HERC2: variants seen among roughly 807,000 people sequenced by gnomAD.
HERC2 encodes E3 ubiquitin-protein ligase HERC2.
Under a neutral mutation model 537.7 loss-of-function variants are expected in HERC2, and 102 were observed. The observed-to-expected ratio is 0.19, with a 90% CI of 0.16 to 0.22. The LOEUF (loss-of-function observed/expected upper bound fraction) is 0.22, where lower values mean the gene tolerates loss of function less well. HERC2 is among the 10% of genes least tolerant of loss of function. The pLI, the probability that HERC2 is intolerant of heterozygous loss-of-function variation, is 1.00. For missense variants in HERC2, 4,236 were observed against 6,198.2 expected (o/e 0.68, Z 10.63); for synonymous variants, 2,224 against 2,466.2 (o/e 0.90, Z 2.91).
In HERC2 at chr15:28,176,385, C is replaced by G. The variant is rs1290164490; in HGVS notation, c.9686+43G>C. On this transcript the variant is annotated intron_variant, in intron 63 of 92. Coordinates refer to ENST00000261609, the MANE Select transcript of HERC2 (RefSeq NM_004667.6). The surrounding 1 kb of genome is among the most constrained non-coding windows in gnomAD (Gnocchi z 5.0). ...CGAGGCCCAGGTTCCCTGCACACAC[C>G]TGCACAAGCACACACAGTGTGACAG... 1 of 1,603,720 alleles carries G rather than the reference C, an allele frequency of 6.2e-7. No individual in the cohort carries two copies. The highest frequency in any genetic ancestry group is 8.5e-7 in the Non-Finnish European group (1 of 1,172,040).
Position 28,201,438 on chromosome 15 carries a change from C to G in HERC2, c.7716+18G>C. On this transcript the variant is annotated intron_variant, in intron 48 of 92. Coordinates refer to ENST00000261609, the MANE Select transcript of HERC2 (RefSeq NM_004667.6). ...AATGAAAAACGGATCGAGGCTCCAG[C>G]TTAAGACAATTACTCACCTGAATAT... 1 of 1,471,090 alleles carries G rather than the reference C, an allele frequency of 6.8e-7. No homozygotes were observed. Among genetic ancestry groups the G allele is most frequent in the Non-Finnish European group, 9.5e-7 (1 of 1,050,174 alleles). The allele number at this position is 1,471,090 out of a possible 1,614,324, so 91.1% of individuals were successfully genotyped here.
chr15:28,167,806 C>T lies in HERC2; in HGVS notation c.10435G>A (p.Val3479Met). 1.2e-6 allele frequency: 2 copies of T among 1,613,654 alleles called. No individual in the cohort carries two copies. The highest frequency in any genetic ancestry group is 1.7e-6 in the Non-Finnish European group (2 of 1,179,902). ...KREIVSSEDA[V>M]TPSAVTPSAP... ...GACGGAGTCACTGCAGAGGGGGTCA[C>T]TGCGTCCTCAGAGGAAACAATCTAG... is the stretch of plus-strand genomic sequence containing the variant. The change falls in exon 68 of 93, where the codon GTG becomes ATG. Residue 3479 changes from valine (V) to methionine (M), a missense_variant. Around this residue, in one of 27 missense-constraint regions of HERC2, gnomAD observed 356 missense variants for 450.9 expected, o/e 0.79. Transcript: ENST00000261609.
intron 43 of HERC2, among the ~76,000 whole-genome samples, chr15:28,211,635 G>A (rs1208083387): frequency 6.6e-6 from 1 of 151,940 alleles, no homozygotes; most frequent in Non-Finnish European, 1.5e-5. Context: ...CGCAGGTGCC[G>A]CTCGGACACT....
chr15:28,191,411 C>T (rs1373591673), intron 53 of HERC2, among the ~76,000 whole-genome samples, 167 bp from the exon 54 acceptor site: 1 of 152,118 alleles, frequency 6.6e-6, no homozygotes, highest in African/African-American at 2.4e-5. Flanking sequence ...ATATTCTACG[C>T]CATTCTTTGA....
intron 32 of HERC2, 29 bp downstream of exon 32, chr15:28,229,645 G>T: frequency 1.9e-6 from 3 of 1,606,386 alleles, no homozygotes; most frequent in Non-Finnish European, 2.6e-6. Flanking sequence ...ATTACCCAAT[G>T]CAGAGAAGCA....
At chr15:28,158,218 T>G (rs1453618542) in intron 69 of HERC2, among the ~76,000 whole-genome samples, 1 of 152,174 alleles carries the variant, frequency 6.6e-6, no homozygotes, top group Non-Finnish European at 1.5e-5. Context: ...TTCTATTGAT[T>G]TGGGGTGGAG....
chr15:28,246,892 C>G lies in HERC2; in HGVS notation c.3241G>C (p.Glu1081Gln), dbSNP rs1903763843. ...IGQTSDISSP[E>Q]LMGVGSLLKK... ...AGCAAGGAACCAACACCCATTAGCT[C>G]TGGACCTTGAAGAAGGATTGAGAAA... is the stretch of plus-strand genomic sequence containing the variant. Residue 1081 changes from glutamate (E) to glutamine (Q), a missense_variant, in exon 22 of 93, where the codon GAG (glutamate) becomes CAG (glutamine). Around this residue, in one of 27 missense-constraint regions of HERC2, gnomAD observed 754 missense variants for 1,085.0 expected, o/e 0.69. Coordinates refer to ENST00000261609, the MANE Select transcript of HERC2 (RefSeq NM_004667.6). The G allele has an allele frequency of 6.3e-7, 1 of 1,598,026 alleles. No individual in the cohort carries two copies. Among genetic ancestry groups the G allele is most frequent in the African/African-American group, 1.4e-5 (1 of 73,924 alleles).
At chr15:28,315,645 T>G (rs1184017386) in intron 2 of HERC2, 5 of 608,730 alleles carry the variant, frequency 8.2e-6, no homozygotes, top group Non-Finnish European at 1.5e-5. Context: ...ATATAAAAAA[T>G]TATCTGGCTC....
At chr15:28,264,020 C>CAAAAAAAAAAAAAAAA (rs34823980) in intron 14 of HERC2, among the ~76,000 whole-genome samples, 1 of 83,702 alleles carries the variant, frequency 1.2e-5, no homozygotes, top group Non-Finnish European at 2.8e-5. Flanking sequence ...CTTTGTCTTA[C>CAAAAAAAAAAAAAAAA]AAAAAAAAAA....
chr15:28,114,897 A>C, intron 89 of HERC2, 95 bp from the exon 90 acceptor site: 1 of 1,046,232 alleles, frequency 9.6e-7, no homozygotes, highest in South Asian at 1.5e-5. Flanking sequence ...AGCAGGAACC[A>C]GGGTCAGCCT....
Position 28,111,430 on chromosome 15 carries a change from C to T in HERC2, c.*333G>A, listed in dbSNP as rs1332251383. On this transcript the variant is annotated 3_prime_UTR_variant, in exon 93 of 93. Transcript: ENST00000261609. ...GAGAAAGAAAAAAAATCGATTGCAC[C>T]CACAAGTAAAAAGGCTTTATTCATT... 3.2e-6 allele frequency: 1 copy of T among 308,044 alleles called. No homozygotes were observed. The highest frequency in any genetic ancestry group is 2.1e-5 in the African/African-American group (1 of 46,704). The allele number at this position is 308,044 out of a possible 1,614,324, so 19.1% of individuals were successfully genotyped here.
At chr15:28,319,580 G>A (rs1245095087) in intron 2 of HERC2, among the ~76,000 whole-genome samples, 2 of 109,416 alleles carry the variant, frequency 1.8e-5, no homozygotes, top group East Asian at 3.1e-4. Context: ...GCAAGACTGC[G>A]TCTCAAAAAA....
Position 28,144,211 on chromosome 15 carries a change from C to T in HERC2, c.11165G>A (p.Arg3722His). 1.2e-6 allele frequency: 2 copies of T among 1,614,104 alleles called. No homozygotes were observed. The highest frequency in any genetic ancestry group is 1.7e-6 in the Non-Finnish European group (2 of 1,180,038). The change falls in exon 73 of 93, where the codon CGC becomes CAC. Residue 3722 changes from arginine (R) to histidine (H), a missense_variant. By Grantham distance (29) the Arg-to-His change is conservative. Coordinates refer to ENST00000261609, the MANE Select transcript of HERC2 (RefSeq NM_004667.6). ...CATGGATGGACAGGAGAGGACGCAG[C>T]GGTCAGAGAGGAGTTCTTTAGGGCC... ...AAGPKELLSD[R>H]CVLSCPSMDL...
chr15:28,182,488 C>T lies in HERC2; in HGVS notation c.8850G>A (p.Gly2950=). The T allele has an allele frequency of 1.2e-6, 2 of 1,612,996 alleles. No individual in the cohort carries two copies. The highest frequency in any genetic ancestry group is 1.7e-6 in the Non-Finnish European group (2 of 1,179,428). The change falls in exon 57 of 93, where the codon GGG becomes GGA. Residue 2950 remains glycine (G), a synonymous_variant. Transcript: ENST00000261609. ...SGSLIRKKAA[G]LESAATIRTK... ...TTCTTATCGTAGCTGCTGATTCCAG[C>T]CCAGCAGCCTTCTTTCTAATGAGGC...
intron 78 of HERC2, among the ~76,000 whole-genome samples, chr15:28,138,085 G>A (rs1396415227): frequency 6.6e-6 from 1 of 152,250 alleles, no homozygotes; most frequent in African/African-American, 2.4e-5. Flanking sequence ...AAGGCTAACA[G>A]AGGTGAGAAG....
chr15:28,176,859 C>G lies in HERC2; in HGVS notation c.9432+91G>C, dbSNP rs1895339512. On this transcript the variant is annotated intron_variant, in intron 61 of 92. Transcript: ENST00000261609. This position sits in a 1 kb window ranked among gnomAD's most constrained non-coding sequence, Gnocchi z 5.0. ...CAGATAAAGCCAACCATGCACACAT[C>G]TTTATGAACTTTCCTAGACTTGAAG... 1 of 1,576,294 alleles carries G rather than the reference C, an allele frequency of 6.3e-7. No individual in the cohort carries two copies. The highest frequency in any genetic ancestry group is 1.1e-5 in the South Asian group (1 of 89,322).
chr15:28,114,319 G>A (rs1216658498), intron 90 of HERC2, among the ~76,000 whole-genome samples: 1 of 152,184 alleles, frequency 6.6e-6, no homozygotes, highest in African/African-American at 2.4e-5. Flanking sequence ...CCTGTCCCAG[G>A]GAAGCCAACA....
chr15:28,126,818 A>G (rs911614114), intron 83 of HERC2, among the ~76,000 whole-genome samples: 2 of 152,212 alleles, frequency 1.3e-5, no homozygotes, highest in African/African-American at 4.8e-5. Flanking sequence ...TAAAGAGCTT[A>G]TTCATGTAAC....
In HERC2 at chr15:28,163,220, C is replaced by T; in HGVS notation, c.10620G>A (p.Leu3540=). 1.9e-6 allele frequency: 3 copies of T among 1,613,950 alleles called. No individual in the cohort carries two copies. Among genetic ancestry groups the T allele is most frequent in the Non-Finnish European group, 2.5e-6 (3 of 1,180,044 alleles). ...CCACACGAGTGTCATCCGCAATCAG[C>T]AGACTGGTGAACTCATCCAAGGCCT... ...EPQALDEFTS[L]LIADDTRVVV... The change falls in exon 69 of 93, where the codon CTG becomes CTA. Residue 3540 remains leucine (L), a synonymous_variant. Coordinates refer to ENST00000261609, the MANE Select transcript of HERC2 (RefSeq NM_004667.6).
Sources: allele counts gnomAD v4.1 joint callset (sites outside exome capture counted in the v4.1 genomes callset), GRCh38; gene constraint gnomAD v4.1.1; regional missense constraint gnomAD v4.1.1; non-coding constraint Gnocchi (gnomAD v3.1); transcripts MANE v1.5; gene names NCBI Gene and HGNC (gene_info 2026-07-23, HGNC 2026-07-21).